CCDC179: variants seen among roughly 807,000 people sequenced by gnomAD.
The protein encoded by CCDC179 is coiled-coil domain-containing protein 179.
In CCDC179, 17 loss-of-function variants were observed where a neutral mutation model predicts 12.0. That is an observed-to-expected ratio of 1.42 (90% CI 0.97 to 2.13). The LOEUF (loss-of-function observed/expected upper bound fraction) is 2.13. CCDC179 is among the 30% of genes most tolerant of loss of function. The pLI is 0.00. For missense variants in CCDC179, 83 were observed against 78.6 expected (o/e 1.06, Z -0.21); for synonymous variants, 27 against 26.4 (o/e 1.02, Z -0.07).
intron 3 of CCDC179, among the ~76,000 whole-genome samples, chr11:22,849,532 A>C (rs951964080): frequency 2.0e-5 from 3 of 152,074 alleles, no homozygotes; most frequent in African/African-American, 7.2e-5. Flanking sequence ...ATTTTATTTC[A>C]ATTGTTTTTG....
rs531378180 is a variant in CCDC179, at chr11:22,847,774, A to T, written c.196-253T>A. ...TATCTGAAGATGGATATGATATAAA[A>T]CAATTCTCTATAAGTCATACAACAA... On this transcript the variant is annotated intron_variant, in intron 3 of 3. Transcript: ENST00000532798. 3.9e-4 allele frequency among the ~76,000 whole-genome samples: 59 copies of T among 152,304 alleles called. No homozygotes were observed. In the South Asian group the frequency reaches 0.012, roughly 30 times the overall value.
intron 3 of CCDC179, among the ~76,000 whole-genome samples, chr11:22,855,007 T>C (rs1374518892): frequency 6.6e-6 from 1 of 151,712 alleles, no homozygotes. Context: ...TAAAATTACA[T>C]AGTAATCCTT....
chr11:22,859,898 T>C (rs553150108), intron 1 of CCDC179, among the ~76,000 whole-genome samples: 133 of 152,374 alleles, frequency 8.7e-4, no homozygotes, highest in African/African-American at 3.0e-3. Flanking sequence ...TAATTGGTGA[T>C]GTGATTGAGA....
intron 3 of CCDC179, among the ~76,000 whole-genome samples, chr11:22,852,334 A>C (rs1257269798): frequency 6.6e-6 from 1 of 152,192 alleles, no homozygotes; most frequent in Non-Finnish European, 1.5e-5. Context: ...CCCTTCCCCA[A>C]AATTAAACCA....
intron 3 of CCDC179, among the ~76,000 whole-genome samples, chr11:22,849,990 A>G (rs908982020): frequency 1.3e-5 from 2 of 152,136 alleles, no homozygotes; most frequent in Non-Finnish European, 2.9e-5. Flanking sequence ...TCTGATTTAC[A>G]TAGGGCTCAC....
intron 2 of CCDC179, among the ~76,000 whole-genome samples, chr11:22,859,251 A>C (rs190371899): frequency 4.6e-5 from 7 of 152,312 alleles, no homozygotes; most frequent in Admixed American, 3.3e-4. Flanking sequence ...CAAATGTTAC[A>C]TTAAAAAATA....
intron 3 of CCDC179, among the ~76,000 whole-genome samples, chr11:22,848,934 A>G (rs1858304069): frequency 6.6e-6 from 1 of 152,236 alleles, no homozygotes; most frequent in African/African-American, 2.4e-5. Context: ...GTTAAAAATT[A>G]TCAATCCACA....
chr11:22,855,121 A>G (rs1403034376), intron 3 of CCDC179, among the ~76,000 whole-genome samples: 15 of 151,756 alleles, frequency 9.9e-5, no homozygotes, highest in Non-Finnish European at 2.1e-4. Flanking sequence ...GGAAATGTCA[A>G]TTCTTTCTAA....
Position 22,847,092 on chromosome 11 carries a change from G to A in CCDC179, c.*418C>T, listed in dbSNP as rs927352169. 2.6e-5 allele frequency: 4 copies of A among 153,850 alleles called. No homozygotes were observed. The highest frequency in any genetic ancestry group is 3.8e-4 in the East Asian group (2 of 5,264). The allele number at this position is 153,850 out of a possible 1,614,324, so 9.5% of individuals were successfully genotyped here. ...TAACAGTCTCCTAGGACTGTTTAAA[G>A]TATTTAAACATTTTGTTTAAATGGA... is the stretch of plus-strand genomic sequence containing the variant. On this transcript the variant is annotated 3_prime_UTR_variant, in exon 4 of 4. Coordinates refer to ENST00000532798, the MANE Select transcript of CCDC179 (RefSeq NM_001195637.2).
chr11:22,849,565 T>C (rs1858321044), intron 3 of CCDC179, among the ~76,000 whole-genome samples: 1 of 152,138 alleles, frequency 6.6e-6, no homozygotes, highest in Non-Finnish European at 1.5e-5. Flanking sequence ...GTTTTGGTTA[T>C]ATTCATAAGT....
In CCDC179 at chr11:22,847,421, G is replaced by T; in HGVS notation, c.*89C>A. 1.3e-6 allele frequency: 1 copy of T among 752,558 alleles called. No individual in the cohort carries two copies. Among genetic ancestry groups the T allele is most frequent in the Non-Finnish European group, 2.0e-6 (1 of 504,084 alleles). The allele number at this position is 752,558 out of a possible 1,614,324, so 46.6% of individuals were successfully genotyped here. ...GGTGGAGTATTGCATTTATTTTGTG[G>T]ATGATCAATTCATGATATGTCACTT... On this transcript the variant is annotated 3_prime_UTR_variant, in exon 4 of 4. Coordinates refer to ENST00000532798, the MANE Select transcript of CCDC179 (RefSeq NM_001195637.2).
intron 1 of CCDC179, 45 bp downstream of exon 1, chr11:22,860,332 A>G: frequency 2.6e-6 from 4 of 1,530,204 alleles, no homozygotes; most frequent in Non-Finnish European, 3.5e-6. Context: ...CTCAAGGCAC[A>G]GGACAGAGTG....
Position 22,859,015 on chromosome 11 carries a change from A to C in CCDC179, c.90+437T>G, listed in dbSNP as rs185168256. 3.5e-3 allele frequency among the ~76,000 whole-genome samples: 535 copies of C among 152,202 alleles called. 4 individuals carry two copies. The highest frequency in any genetic ancestry group is 0.012 in the African/African-American group (513 of 41,568). On this transcript the variant is annotated intron_variant, in intron 2 of 3. Coordinates refer to ENST00000532798, the MANE Select transcript of CCDC179 (RefSeq NM_001195637.2). ...TAAAGTTCAAAACCAAGCAAAAGCA[A>C]ATAGTGCACTTATAGAGACACCTAT... is the stretch of plus-strand genomic sequence containing the variant.
rs150139651 is a variant in CCDC179, at chr11:22,859,377, G to C, written c.90+75C>G. The C allele has an allele frequency of 7.3e-4, 700 of 956,328 alleles. 4 individuals are homozygous for C. In the African/African-American group the frequency reaches 1.0e-2, roughly 14 times the overall value. The allele number at this position is 956,328 out of a possible 1,614,324, so 59.2% of individuals were successfully genotyped here. A position where few individuals can be genotyped will look rare whatever the true frequency, so the allele number is the denominator to read the frequency against. ...TTAATACAAGTTCTATTATGTTAGGGACCACTACATAAAGGAACAAGTTAC... is the reference window on the plus strand; with the variant it reads ...TTAATACAAGTTCTATTATGTTAGGCACCACTACATAAAGGAACAAGTTAC... On this transcript the variant is annotated intron_variant, in intron 2 of 3. Coordinates refer to ENST00000532798, the MANE Select transcript of CCDC179 (RefSeq NM_001195637.2).
chr11:22,860,446 T>C lies in CCDC179; in HGVS notation c.-25A>G. 1 of 1,530,880 alleles carries C rather than the reference T, an allele frequency of 6.5e-7. No homozygotes were observed. Among genetic ancestry groups the C allele is most frequent in the Non-Finnish European group, 8.7e-7 (1 of 1,144,258 alleles). 94.8% of individuals were successfully genotyped at this position (1,530,880 alleles called of 1,614,324 possible). ...TGCCGTGGAGCCTTAGGGCGCCCCC[T>C]GACGCCTACTGCCTGTCCTGGACCA... On this transcript the variant is annotated 5_prime_UTR_variant, in exon 1 of 4. Transcript: ENST00000532798.
chr11:22,848,819 A>C (rs1246368931), intron 3 of CCDC179, among the ~76,000 whole-genome samples: 5 of 152,202 alleles, frequency 3.3e-5, no homozygotes, highest in Admixed American at 2.6e-4. Flanking sequence ...GGTGTGTCAT[A>C]TTCATTATCA....
chr11:22,850,822 T>G (rs1858359732), intron 3 of CCDC179, among the ~76,000 whole-genome samples: 1 of 150,712 alleles, frequency 6.6e-6, no homozygotes, highest in Non-Finnish European at 1.5e-5. Context: ...ATGGTGGCAA[T>G]TGTCTTACAC....
At chr11:22,855,727 A>G (rs187192689) in intron 3 of CCDC179, among the ~76,000 whole-genome samples, 127 of 151,598 alleles carry the variant, frequency 8.4e-4, no homozygotes, top group African/African-American at 2.9e-3. Context: ...TGAAAACAGA[A>G]TGCAATAGAG....
At chr11:22,852,781 C>A (rs1485332147) in intron 3 of CCDC179, among the ~76,000 whole-genome samples, 1 of 152,180 alleles carries the variant, frequency 6.6e-6, no homozygotes, top group Non-Finnish European at 1.5e-5. Flanking sequence ...GTTTAGCTGG[C>A]TCTATGTGTA....
Sources: gnomAD v4.1 joint callset for allele counts (sites outside exome capture counted in the v4.1 genomes callset) on GRCh38, gnomAD v4.1.1 for gene constraint, MANE v1.5 for transcripts, NCBI Gene and HGNC (gene_info 2026-07-23, HGNC 2026-07-21) for gene names.